The following SRP54 variants were observed in gnomAD, a reference collection of about 807,000 sequenced individuals.
SRP54 encodes signal recognition particle subunit SRP54.
In SRP54, 10 loss-of-function variants were observed where a neutral mutation model predicts 64.8. The ratio of observed to expected loss-of-function variants is 0.15; its 90% CI spans 0.10 to 0.26. SRP54 has a LOEUF of 0.26. Ranked by LOEUF, SRP54 falls within the 10% of genes least tolerant of loss-of-function variation. The probability of loss-of-function intolerance (pLI) is 1.00; values close to 1 mark genes in which losing one functional copy is unlikely to be tolerated. For missense variants in SRP54, 325 were observed against 613.7 expected (o/e 0.53, Z 4.97); for synonymous variants, 193 against 185.6 (o/e 1.04, Z -0.32).
Position 35,019,088 on chromosome 14 carries a change from T to C in SRP54, c.1156+14T>C. On this transcript the variant is annotated intron_variant, in intron 13 of 15. Coordinates refer to ENST00000216774, the MANE Select transcript of SRP54 (RefSeq NM_003136.4). Reference sequence around the variant, plus strand: ...TGAATGATCAAGGTAAGATGGCAGATTATTTTCCTCAGGCAAAAATGTTCT... The same window carrying C: ...TGAATGATCAAGGTAAGATGGCAGACTATTTTCCTCAGGCAAAAATGTTCT... 6.3e-7 allele frequency: 1 copy of C among 1,584,564 alleles called. No individual in the cohort carries two copies. The highest frequency in any genetic ancestry group is 8.7e-7 in the Non-Finnish European group (1 of 1,154,338).
rs186795355 is a variant in SRP54, at chr14:35,013,744, C to A, written c.786-58C>A. The A allele has an allele frequency of 2.5e-4, 368 of 1,451,164 alleles. No individual in the cohort carries two copies. The African/African-American group carries it at 4.6e-3, about 18-fold the overall frequency. 89.9% of individuals were successfully genotyped at this position (1,451,164 alleles called of 1,614,324 possible). A position where few individuals can be genotyped will look rare whatever the true frequency, so the allele number is the denominator to read the frequency against. ...GGCGGATTCACTTCGAATTTCAGAT[C>A]TGCTGGAAATTTGTGGGGTTCTTTT... On this transcript the variant is annotated intron_variant, in intron 9 of 15. Coordinates refer to ENST00000216774, the MANE Select transcript of SRP54 (RefSeq NM_003136.4).
At chr14:35,006,754 T>C (rs2044263872) in intron 4 of SRP54, among the ~76,000 whole-genome samples, 1 of 152,242 alleles carries the variant, frequency 6.6e-6, no homozygotes, top group African/African-American at 2.4e-5. Flanking sequence ...GTGAGATCTT[T>C]ACCTCTGAAT....
At chr14:35,024,278 C>G (rs574590440) in intron 14 of SRP54, among the ~76,000 whole-genome samples, 1 of 152,308 alleles carries the variant, frequency 6.6e-6, no homozygotes, top group East Asian at 1.9e-4. Flanking sequence ...ATGTGCCCGC[C>G]TCGGACTCCC....
chr14:35,023,427 C>G (rs1265929233), intron 14 of SRP54, among the ~76,000 whole-genome samples: 1 of 151,828 alleles, frequency 6.6e-6, no homozygotes, highest in African/African-American at 2.4e-5. Context: ...ATAACAGTTG[C>G]TATAACTAAG....
chr14:35,013,798 C>G lies in SRP54; in HGVS notation c.786-4C>G, dbSNP rs2044392893. The G allele has an allele frequency of 6.3e-7, 1 of 1,583,424 alleles. No homozygotes were observed. On this transcript the variant is annotated splice_region_variant and splice_polypyrimidine_tract_variant and intron_variant, in intron 9 of 15. Transcript: ENST00000216774. ...GTTATTTTATATTTTCTTTTTTTTT[C>G]CAGAGTCGCTGCCACAAAAAGTCCG... is the stretch of plus-strand genomic sequence containing the variant.
At chr14:35,003,670 G>A (rs889360291) in intron 4 of SRP54, among the ~76,000 whole-genome samples, 2 of 150,788 alleles carry the variant, frequency 1.3e-5, no homozygotes, top group African/African-American at 4.9e-5. Context: ...CCTGGGCTCA[G>A]GTGATCCCTA....
intron 2 of SRP54, among the ~76,000 whole-genome samples, chr14:34,998,627 CAT>C (rs2044107325): frequency 6.6e-6 from 1 of 151,916 alleles, no homozygotes; most frequent in Non-Finnish European, 1.5e-5. Flanking sequence ...GCCTGGCCAA[CAT>C]AGTGAAACTC....
At chr14:35,009,808 G>T (rs971786786) in intron 7 of SRP54, among the ~76,000 whole-genome samples, 1 of 151,884 alleles carries the variant, frequency 6.6e-6, no homozygotes, top group African/African-American at 2.4e-5. Flanking sequence ...TGGGAGGATT[G>T]CTTGAGCCCA....
Position 35,029,161 on chromosome 14 carries a change from C to G in SRP54, c.*9C>G. On this transcript the variant is annotated 3_prime_UTR_variant, in exon 16 of 16. Transcript: ENST00000216774. ...GATTCAATAATATGTAAAGAAAATG[C>G]CTTAATATAAACTGACTCAGTTGAA... 6.2e-7 allele frequency: 1 copy of G among 1,609,690 alleles called. No homozygotes were observed. The highest frequency in any genetic ancestry group is 1.1e-5 in the South Asian group (1 of 90,680).
chr14:34,986,263 T>G (rs1194550334), intron 1 of SRP54, among the ~76,000 whole-genome samples: 1 of 152,216 alleles, frequency 6.6e-6, no homozygotes, highest in East Asian at 1.9e-4. Context: ...CTTCTTGATA[T>G]AATTGAATAT....
chr14:34,995,256 T>C (rs1040019487), intron 1 of SRP54, among the ~76,000 whole-genome samples: 1 of 151,392 alleles, frequency 6.6e-6, no homozygotes, highest in Non-Finnish European at 1.5e-5. Flanking sequence ...CAGGCCGTTA[T>C]GGAGACTTAA....
chr14:34,996,955 C>A, intron 2 of SRP54, 168 bp downstream of exon 2: 1 of 417,874 alleles, frequency 2.4e-6, no homozygotes, highest in Non-Finnish European at 4.2e-6. Context: ...GAGAAATTAA[C>A]TACAACTTCA....
At chr14:35,002,371 A>T (rs180846968) in intron 4 of SRP54, among the ~76,000 whole-genome samples, 78 of 152,126 alleles carry the variant, frequency 5.1e-4, no homozygotes, top group African/African-American at 1.7e-3. Context: ...AAACAAACAA[A>T]AAAAATTTTT....
At chr14:34,988,539 C>T (rs1413553673) in intron 1 of SRP54, among the ~76,000 whole-genome samples, 2 of 43,172 alleles carry the variant, frequency 4.6e-5, no homozygotes, top group African/African-American at 1.3e-4. Flanking sequence ...TCCAGCCTGG[C>T]GACAGAGTGA....
chr14:35,001,065 T>TA, intron 4 of SRP54, 45 bp downstream of exon 4: 1 of 981,256 alleles, frequency 1.0e-6, no homozygotes, highest in Non-Finnish European at 1.5e-6. Context: ...ACTCAGTGGA[T>TA]AAAAAAGCGT....
At chr14:34,991,983 G>A (rs573932636) in intron 1 of SRP54, among the ~76,000 whole-genome samples, 1 of 152,270 alleles carries the variant, frequency 6.6e-6, no homozygotes, top group South Asian at 2.1e-4. Flanking sequence ...ATCCAGGCTG[G>A]AGTGCAGTGG....
chr14:35,023,170 C>G, intron 14 of SRP54, 90 bp downstream of exon 14: 6 of 1,054,922 alleles, frequency 5.7e-6, no homozygotes, highest in Non-Finnish European at 5.4e-6. Context: ...AAATTCACAG[C>G]TGAATTTCAT....
intron 8 of SRP54, 41 bp downstream of exon 8, chr14:35,011,700 T>C (rs747152270): frequency 1.1e-5 from 16 of 1,418,912 alleles, no homozygotes; most frequent in Non-Finnish European, 1.5e-5. Context: ...AGGACTTTGG[T>C]TAATTTAATT....
In SRP54 at chr14:35,014,290, T is replaced by TTTTTTTGTTTTTTTTTTTG. The variant is rs376712278; in HGVS notation, c.886+392_886+393insTTGTTTTTTTTTTTGTTTT. ...TGCCACTTAACTTTTTTTTTTTTTT[T>TTTTTTTGTTTTTTTTTTTG]TTTTGAGACGGAGTTTCGCTCTTGT... On this transcript the variant is annotated intron_variant, in intron 10 of 15. Coordinates refer to ENST00000216774, the MANE Select transcript of SRP54 (RefSeq NM_003136.4). Among the ~76,000 whole-genome samples the TTTTTTTGTTTTTTTTTTTG allele has an allele frequency of 3.1e-5, 4 of 127,284 alleles. No individual in the cohort carries two copies. The Admixed American group carries it at 3.4e-4, about 11-fold the overall frequency. 83.5% of individuals were successfully genotyped at this position (127,284 alleles called of 152,430 possible). A position where few individuals can be genotyped will look rare whatever the true frequency, so the allele number is the denominator to read the frequency against.
Sources: gnomAD v4.1 joint callset for allele counts (sites outside exome capture counted in the v4.1 genomes callset) on GRCh38, gnomAD v4.1.1 for gene constraint, MANE v1.5 for transcripts, NCBI Gene and HGNC (gene_info 2026-07-23, HGNC 2026-07-21) for gene names.